ALG9: variants seen among roughly 807,000 people sequenced by gnomAD.
ALG9 encodes ALG9 alpha-1,2-mannosyltransferase.
ALG9 carries 55 observed loss-of-function variants against 81.8 expected under a neutral mutation model. The ratio of observed to expected loss-of-function variants is 0.67; its 90% CI spans 0.54 to 0.84. ALG9 has a LOEUF of 0.84. Among genes scored for constraint, ALG9 ranks in the 40% least tolerant of loss-of-function variants. The pLI is 0.00. For missense variants in ALG9, 629 were observed against 745.0 expected (o/e 0.84, Z 1.81); for synonymous variants, 278 against 274.3 (o/e 1.01, Z -0.13).
intron 12 of ALG9, 64 bp downstream of exon 12, chr11:111,837,404 A>G: frequency 6.3e-7 from 1 of 1,581,866 alleles, no homozygotes. Flanking sequence ...ATTAGAAGAC[A>G]CTGATATAGA....
intron 14 of ALG9, among the ~76,000 whole-genome samples, chr11:111,786,859 GGTT>G (rs1946545202): frequency 6.6e-6 from 1 of 152,238 alleles, no homozygotes; most frequent in East Asian, 1.9e-4. Flanking sequence ...ACACCAAAAT[GGTT>G]TCTGCATCTA....
Position 111,837,475 on chromosome 11 carries a change from G to A in ALG9, c.1465C>T (p.Pro489Ser). The change falls in exon 12 of 15, where the codon CCT becomes TCT. Residue 489 changes from proline to serine, a missense_variant. By Grantham distance (74) the Pro-to-Ser change is moderately conservative (BLOSUM62 -1). This residue lies in a region of ALG9 where 264 missense variants were observed against 302.2 expected (regional missense o/e 0.87). Coordinates refer to ENST00000616540, the MANE Select transcript of ALG9 (RefSeq NM_024740.2). ...WYRFPSSFLL[P>S]DNWQLQFIPS... The stretch of plus-strand genomic sequence containing the variant: ...AATTAAAGGACAACTTACTTGTCAG[G>A]AAGAAGGAAGCTGCTGGGAAATCGA... 6.2e-7 allele frequency: 1 copy of A among 1,614,076 alleles called. No individual in the cohort carries two copies. Among genetic ancestry groups the A allele is most frequent in the Non-Finnish European group, 8.5e-7 (1 of 1,180,032 alleles).
chr11:111,834,646 C>CT (rs1249584054), intron 13 of ALG9, among the ~76,000 whole-genome samples: 1 of 151,964 alleles, frequency 6.6e-6, no homozygotes, highest in Non-Finnish European at 1.5e-5. Flanking sequence ...AGTCCACGCT[C>CT]TTTTTTTTAC....
chr11:111,841,466 T>A (rs939067185), intron 9 of ALG9, among the ~76,000 whole-genome samples: 2 of 152,206 alleles, frequency 1.3e-5, no homozygotes, highest in Non-Finnish European at 2.9e-5. Flanking sequence ...ACTTAAAGCA[T>A]GTGAAAGAAT....
chr11:111,844,170 A>T (rs1358843746), intron 9 of ALG9, among the ~76,000 whole-genome samples: 1 of 151,988 alleles, frequency 6.6e-6, no homozygotes, highest in Non-Finnish European at 1.5e-5. Flanking sequence ...ATGTCTGGCT[A>T]ATTTTTGTAT....
intron 13 of ALG9, among the ~76,000 whole-genome samples, chr11:111,812,076 G>C (rs1419005120): frequency 3.9e-5 from 6 of 152,098 alleles, no homozygotes; most frequent in Non-Finnish European, 7.4e-5. Flanking sequence ...CAATAAAGTA[G>C]ACCTTATTAA....
At position 111,795,831 on chromosome 11, in the gene ALG9, A is replaced by G. The variant is rs17113254; in HGVS notation, c.1734-9311T>C. Among the ~76,000 whole-genome samples, 1,511 of 152,324 alleles carry G rather than the reference A, an allele frequency of 9.9e-3. 38 individuals are homozygous for G. The highest frequency in any genetic ancestry group is 0.035 in the African/African-American group (1,450 of 41,574). On this transcript the variant is annotated intron_variant, in intron 14 of 14. Coordinates refer to ENST00000616540, the MANE Select transcript of ALG9 (RefSeq NM_024740.2). Reference sequence around the variant, plus strand: ...GAGTGAGGAACTGGGGAAAAATGCTATTAGGCAACTGGCCATTTTCTGACC... The same window carrying G: ...GAGTGAGGAACTGGGGAAAAATGCTGTTAGGCAACTGGCCATTTTCTGACC...
downstream of ALG9, among the ~76,000 whole-genome samples, chr11:111,779,494 C>A (rs1295767956): frequency 6.6e-6 from 1 of 151,932 alleles, no homozygotes; most frequent in Non-Finnish European, 1.5e-5. Flanking sequence ...ATATACTTTT[C>A]TTTCTTTTAA....
chr11:111,815,250 T>A (rs563049328), intron 13 of ALG9, among the ~76,000 whole-genome samples: 19 of 151,978 alleles, frequency 1.3e-4, no homozygotes, highest in South Asian at 4.2e-4. Context: ...AAATTTTTTT[T>A]AAAAATTGGC....
At chr11:111,859,793 C>T (rs1242973120) in intron 5 of ALG9, among the ~76,000 whole-genome samples, 1 of 151,884 alleles carries the variant, frequency 6.6e-6, no homozygotes, top group Non-Finnish European at 1.5e-5. Context: ...TAATTTTGTG[C>T]CAGATACTAT....
At chr11:111,778,345 T>C (rs1945752788), downstream of ALG9, 1 of 152,238 alleles carries the variant, frequency 6.6e-6, no homozygotes. Flanking sequence ...CATTCTTTTT[T>C]TCCAGATGAG....
intron 9 of ALG9, among the ~76,000 whole-genome samples, chr11:111,843,960 T>C (rs572011546): frequency 1.3e-4 from 20 of 152,234 alleles, no homozygotes; most frequent in Non-Finnish European, 2.4e-4. Flanking sequence ...ATCAGGTTAA[T>C]ATACACTTCT....
chr11:111,832,765 G>C (rs1555114249), intron 13 of ALG9, among the ~76,000 whole-genome samples: 1 of 152,206 alleles, frequency 6.6e-6, no homozygotes, highest in African/African-American at 2.4e-5. Context: ...ACAGATGGAG[G>C]ACAGGCATGG....
At chr11:111,839,044 T>C (rs1353164592) in intron 10 of ALG9, among the ~76,000 whole-genome samples, 1 of 152,012 alleles carries the variant, frequency 6.6e-6, no homozygotes, top group Non-Finnish European at 1.5e-5. Context: ...TTGAACCTTT[T>C]TCATATTTTT....
intron 14 of ALG9, among the ~76,000 whole-genome samples, chr11:111,789,301 G>A (rs1947003185): frequency 6.6e-6 from 1 of 151,956 alleles, no homozygotes. Context: ...GCCCATGCTA[G>A]AGTGCAGTGG....
At chr11:111,812,804 C>T (rs1331767697) in intron 13 of ALG9, among the ~76,000 whole-genome samples, 7 of 149,798 alleles carry the variant, frequency 4.7e-5, no homozygotes, top group Non-Finnish European at 1.0e-4. Context: ...GTAGTCCCAG[C>T]TACTCAGGAG....
At position 111,787,310 on chromosome 11, in the gene ALG9, G is replaced by A. The variant is rs184085885; in HGVS notation, c.1734-790C>T. On this transcript the variant is annotated intron_variant, in intron 14 of 14. Coordinates refer to ENST00000616540, the MANE Select transcript of ALG9 (RefSeq NM_024740.2). ...TAGCCAGGCATGGTGGTGCATGCCTGTAATCCCAGCTACTTGGGAGGCTGA... is the reference window on the plus strand; with the variant it reads ...TAGCCAGGCATGGTGGTGCATGCCTATAATCCCAGCTACTTGGGAGGCTGA... Among the ~76,000 whole-genome samples, 12 of 151,902 alleles carry A rather than the reference G, an allele frequency of 7.9e-5. No homozygotes were observed. The East Asian group carries it at 2.0e-3, about 25-fold the overall frequency.
the ALG9 span, chr11:111,768,842 C>CGCGTGTGTGTGTGTGTGTGTGTGTGT: frequency 2.0e-4 from 28 of 143,202 alleles, no homozygotes; most frequent in African/African-American, 7.2e-4. Flanking sequence ...TGTGTGTGTG[C>CGCGTGTGTGTGTGTGTGTGTGTGTGT]GTGTGTGTGT....
At chr11:111,797,804 C>A (rs560361728) in intron 14 of ALG9, among the ~76,000 whole-genome samples, 1 of 152,282 alleles carries the variant, frequency 6.6e-6, no homozygotes, top group East Asian at 1.9e-4. Context: ...AAAGGAGAGC[C>A]ATGGTCTTAG....
Sources: gnomAD v4.1 joint callset for allele counts (sites outside exome capture counted in the v4.1 genomes callset) on GRCh38, gnomAD v4.1.1 for gene constraint, gnomAD v4.1.1 regional missense constraint, MANE v1.5 for transcripts, NCBI Gene and HGNC (gene_info 2026-07-23, HGNC 2026-07-21) for gene names.